The following SPDYA variants were observed in gnomAD, a reference collection of about 807,000 sequenced individuals.
The protein encoded by SPDYA is speedy protein A.
A neutral mutation model predicts 36.7 loss-of-function variants in SPDYA; 11 were observed. That is an observed-to-expected ratio of 0.30 (90% CI 0.19 to 0.50). The LOEUF is 0.50. SPDYA is among the 20% of genes least tolerant of loss of function. The probability of loss-of-function intolerance (pLI) is 0.98; values close to 1 mark genes in which losing one functional copy is unlikely to be tolerated. For missense variants in SPDYA, 287 were observed against 370.9 expected, an observed-to-expected ratio of 0.77 and a Z score of 1.86; for synonymous variants, 115 against 118.7, an observed-to-expected ratio of 0.97 and a Z score of 0.20.
At chr2:28,825,199 AGTATT>A (rs936469347) in intron 5 of SPDYA, among the ~76,000 whole-genome samples, 2 of 152,028 alleles carry the variant, frequency 1.3e-5, no homozygotes, top group African/African-American at 2.4e-5. Context: ...TATATATCTC[AGTATT>A]GTATTGTATC....
chr2:28,823,749 T>TATAA (rs1668240560), intron 5 of SPDYA, among the ~76,000 whole-genome samples: 3 of 70,844 alleles, frequency 4.2e-5, no homozygotes, highest in South Asian at 6.3e-4. Flanking sequence ...ATATATAAAA[T>TATAA]TTTTTTTTTT....
chr2:28,840,257 A>C lies in SPDYA; in HGVS notation c.638A>C (p.Asp213Ala). 2 of 1,613,914 alleles carry C rather than the reference A, an allele frequency of 1.2e-6. No individual in the cohort carries two copies. The highest frequency in any genetic ancestry group is 1.7e-6 in the Non-Finnish European group (2 of 1,179,932). Residue 213 changes from aspartate to alanine, a missense_variant, in exon 7 of 8, where the codon GAT becomes GCT. Transcript: ENST00000334056. Reference protein sequence around the residue: ...HSGAVRNYNRDEVQLPRGPSA... With the variant: ...HSGAVRNYNRAEVQLPRGPSA... ...GGAGCTGTCAGAAACTACAACAGAG[A>C]TGAAGTTCAGCTGCCCCGGGGACCT...
chr2:28,822,450 T>TTA (rs1668191042), intron 5 of SPDYA, 40 bp downstream of exon 5: 1 of 1,120,040 alleles, frequency 8.9e-7, no homozygotes, highest in Non-Finnish European at 1.3e-6. Context: ...GTGTTATCTA[T>TTA]TATATACATT....
intron 5 of SPDYA, among the ~76,000 whole-genome samples, chr2:28,826,680 T>C (rs1490795412): frequency 7.5e-6 from 1 of 132,768 alleles, no homozygotes; most frequent in Non-Finnish European, 1.6e-5. Context: ...AGTGGTGTGA[T>C]CTCAGCTCAC....
At position 28,834,626 on chromosome 2, in the gene SPDYA, C is replaced by T. The variant is rs377333786; in HGVS notation, c.552+5307C>T. On this transcript the variant is annotated intron_variant, in intron 6 of 7. Coordinates refer to ENST00000334056, the MANE Select transcript of SPDYA (RefSeq NM_182756.4). Reference sequence around the variant, plus strand: ...CATAAAAGAAGCCTGTCACAAAGGACGACATATTGTATGATTCCATTTATA... The same window carrying T: ...CATAAAAGAAGCCTGTCACAAAGGATGACATATTGTATGATTCCATTTATA... Among the ~76,000 whole-genome samples the T allele has an allele frequency of 1.1e-4, 17 of 152,190 alleles. No individual in the cohort carries two copies. In the East Asian group the frequency reaches 1.5e-3, roughly 14 times the overall value.
At position 28,811,806 on chromosome 2, in the gene SPDYA, A is replaced by G. The variant is rs1449232962; in HGVS notation, c.-93+859A>G. Among the ~76,000 whole-genome samples the G allele has an allele frequency of 2.6e-5, 4 of 151,844 alleles. No individual in the cohort carries two copies. Among genetic ancestry groups the G allele is most frequent in the Admixed American group, 6.6e-5 (1 of 15,240 alleles). On this transcript the variant is annotated intron_variant, in intron 1 of 7. Transcript: ENST00000334056. This position sits in a 1 kb window ranked among gnomAD's most constrained non-coding sequence, Gnocchi z 4.2. Reference sequence around the variant, plus strand: ...TCTACAAAAAATAACTTAAAAAAAAAGTATCCTGGCATGGTGGCGGGCGCC... The same window carrying G: ...TCTACAAAAAATAACTTAAAAAAAAGGTATCCTGGCATGGTGGCGGGCGCC...
Position 28,841,272 on chromosome 2 carries a change from ATAATTTCTT to A in SPDYA, c.850+806_850+814del, listed in dbSNP as rs573676988. Among the ~76,000 whole-genome samples the A allele has an allele frequency of 1.3e-3, 204 of 152,264 alleles. 1 individual carries two copies. The highest frequency in any genetic ancestry group is 2.4e-3 in the Non-Finnish European group (160 of 68,010). On this transcript the variant is annotated intron_variant, in intron 7 of 7. Transcript: ENST00000334056. ...TTAATTCTGACATGGTATAAGTACC[ATAATTTCTT>A]TATATATTTCATTTTGTTGGGATTT...
intron 5 of SPDYA, among the ~76,000 whole-genome samples, chr2:28,825,281 C>A (rs1347025814): frequency 6.6e-6 from 1 of 151,582 alleles, no homozygotes; most frequent in Non-Finnish European, 1.5e-5. Context: ...CCAAAAGAAG[C>A]TTTAGTTTAA....
intron 5 of SPDYA, among the ~76,000 whole-genome samples, chr2:28,826,311 A>G (rs1450651839): frequency 1.3e-5 from 2 of 151,868 alleles, no homozygotes; most frequent in African/African-American, 2.4e-5. Context: ...TAACTTTTGT[A>G]TTTTTAGTAG....
chr2:28,826,611 CTTTTTTTT>C lies in SPDYA; in HGVS notation c.381-2519_381-2512del, dbSNP rs777338299. ...AAATTTTCTTTTTCTTTCTTTCTCT[CTTTTTTTT>C]TTTTTTTTTTTTTTTTTGAGACAGT... On this transcript the variant is annotated intron_variant, in intron 5 of 7. Transcript: ENST00000334056. Among the ~76,000 whole-genome samples the C allele has an allele frequency of 1.9e-3, 141 of 75,362 alleles. 3 individuals carry two copies. Among genetic ancestry groups the C allele is most frequent in the East Asian group, 0.014 (28 of 2,042 alleles). The allele number at this position is 75,362 out of a possible 152,430, so 49.4% of individuals were successfully genotyped here.
chr2:28,837,287 G>A (rs1462998795), intron 6 of SPDYA, among the ~76,000 whole-genome samples: 1 of 152,128 alleles, frequency 6.6e-6, no homozygotes, highest in East Asian at 1.9e-4. Flanking sequence ...GTAACCAGTT[G>A]GATATAGGGT....
At chr2:28,818,799 A>G (rs1376199551) in intron 3 of SPDYA, among the ~76,000 whole-genome samples, 1 of 152,222 alleles carries the variant, frequency 6.6e-6, no homozygotes, top group Non-Finnish European at 1.5e-5. Context: ...CACTTCTACC[A>G]TTCTCCAATC....
At chr2:28,829,390 T>C (rs12998251) in intron 6 of SPDYA, 71 bp downstream of exon 6, 1,353,157 of 1,469,514 alleles carry the variant, frequency 0.92, 623,560 homozygotes, top group Non-Finnish European at 0.93. Flanking sequence ...TGTTTTTTAA[T>C]GTGCTTCTAA....
At chr2:28,836,789 T>C (rs993075294) in intron 6 of SPDYA, among the ~76,000 whole-genome samples, 1 of 152,194 alleles carries the variant, frequency 6.6e-6, no homozygotes, top group African/African-American at 2.4e-5. Flanking sequence ...TATTTCTTTG[T>C]TTATTCTGAT....
intron 2 of SPDYA, among the ~76,000 whole-genome samples, chr2:28,815,709 T>G (rs1389123921): frequency 1.3e-5 from 2 of 152,094 alleles, no homozygotes; most frequent in African/African-American, 4.8e-5. Context: ...TCAGCATCAT[T>G]TCTATAATTA....
intron 2 of SPDYA, among the ~76,000 whole-genome samples, 153 bp downstream of exon 2, chr2:28,814,839 C>G (rs1461771263): frequency 1.3e-5 from 2 of 152,158 alleles, no homozygotes; most frequent in African/African-American, 4.8e-5. Flanking sequence ...ATTATGTGAA[C>G]TAATCACCAC....
chr2:28,846,982 A>T (rs916062325), intron 7 of SPDYA, among the ~76,000 whole-genome samples: 1 of 152,226 alleles, frequency 6.6e-6, no homozygotes, highest in Non-Finnish European at 1.5e-5. Context: ...TTAAATGAAT[A>T]ACATAATTTC....
chr2:28,821,158 T>C (rs1296761324), intron 4 of SPDYA, among the ~76,000 whole-genome samples: 1 of 151,784 alleles, frequency 6.6e-6, no homozygotes. Context: ...AATATACAAT[T>C]CATGTGGAGT....
intron 4 of SPDYA, among the ~76,000 whole-genome samples, chr2:28,819,503 GTC>G (rs1355144334): frequency 6.6e-6 from 1 of 151,912 alleles, no homozygotes; most frequent in African/African-American, 2.4e-5. Flanking sequence ...GCAAGACTCT[GTC>G]TCTAAACAAA....
Sources: allele counts gnomAD v4.1 joint callset (sites outside exome capture counted in the v4.1 genomes callset), GRCh38; gene constraint gnomAD v4.1.1; non-coding constraint Gnocchi (gnomAD v3.1); transcripts MANE v1.5; gene names NCBI Gene and HGNC (gene_info 2026-07-23, HGNC 2026-07-21).